Variants in ARGLU1 observed in about 807,000 individuals in gnomAD.
ARGLU1 encodes the protein arginine and glutamate rich 1.
A neutral mutation model predicts 37.6 loss-of-function variants in ARGLU1; 9 were observed. The observed-to-expected ratio is 0.24, with a 90% confidence interval of 0.14 to 0.42. The LOEUF (loss-of-function observed/expected upper bound fraction) is 0.42. Among genes scored for constraint, ARGLU1 ranks in the 10% least tolerant of loss-of-function variants. ARGLU1 has a pLI of 1.00. For synonymous variants in ARGLU1, 166 were observed against 138.5 expected (o/e 1.20, Z -1.39); for missense variants, 211 against 359.2 (o/e 0.59, Z 3.34).
At position 106,554,941 on chromosome 13, in the gene ARGLU1, T is replaced by C. The variant is rs575113671; in HGVS notation, c.657+2107A>G. ...TCAATTTACTACGCTCCCAACTTTA[T>C]TGAACACTATAAGCAAACATGTTAA... On this transcript the variant is annotated intron_variant, in intron 3 of 3. Transcript: ENST00000400198. Among the ~76,000 whole-genome samples the C allele has an allele frequency of 1.1e-4, 17 of 152,296 alleles. No homozygotes were observed. In the South Asian group the frequency reaches 3.1e-3, roughly 28 times the overall value.
chr13:106,560,726 T>G (rs1046833053), intron 1 of ARGLU1, among the ~76,000 whole-genome samples: 1 of 152,216 alleles, frequency 6.6e-6, no homozygotes, highest in African/African-American at 2.4e-5. Flanking sequence ...CTGAGGCTCT[T>G]GCAGTAAATC....
intron 3 of ARGLU1, among the ~76,000 whole-genome samples, chr13:106,545,304 C>G (rs1485897702): frequency 6.6e-6 from 1 of 152,178 alleles, no homozygotes; most frequent in Non-Finnish European, 1.5e-5. Context: ...TCCCCTCTAT[C>G]TGACAGTGAT....
In ARGLU1 at chr13:106,541,872, T is replaced by A. The variant is rs1317910471; in HGVS notation, c.*2124A>T. ...CTTCTAATAGACTGGGGGAAATTTTTAAGTTTTCTATGTACACAAAGGCAG... is the reference window on the plus strand; with the variant it reads ...CTTCTAATAGACTGGGGGAAATTTTAAAGTTTTCTATGTACACAAAGGCAG... On this transcript the variant is annotated 3_prime_UTR_variant, in exon 4 of 4. Transcript: ENST00000400198. The A allele has an allele frequency of 1.3e-5, 2 of 152,202 alleles. No individual in the cohort carries two copies. Among genetic ancestry groups the A allele is most frequent in the East Asian group, 3.8e-4 (2 of 5,200 alleles). The allele number at this position is 152,202 out of a possible 1,614,324, so 9.4% of individuals were successfully genotyped here.
At chr13:106,564,825 C>CCCCTTT (rs1244192387) in intron 1 of ARGLU1, among the ~76,000 whole-genome samples, 4 of 152,282 alleles carry the variant, frequency 2.6e-5, no homozygotes, top group African/African-American at 9.6e-5. Flanking sequence ...ATTCTCTTAT[C>CCCCTTT]CCCTTTCCCT....
In ARGLU1 at chr13:106,567,453, T is replaced by A. The variant is rs1253450062; in HGVS notation, c.347+120A>T. The A allele has an allele frequency of 6.1e-6, 4 of 654,736 alleles. No homozygotes were observed. The highest frequency in any genetic ancestry group is 7.1e-6 in the Non-Finnish European group (3 of 420,570). The allele number at this position is 654,736 out of a possible 1,614,324, so 40.6% of individuals were successfully genotyped here. A position where few individuals can be genotyped will look rare whatever the true frequency, so the allele number is the denominator to read the frequency against. On this transcript the variant is annotated intron_variant, in intron 1 of 3. Coordinates refer to ENST00000400198, the MANE Select transcript of ARGLU1 (RefSeq NM_018011.4). The surrounding 1 kb of genome is among the most constrained non-coding windows in gnomAD (Gnocchi z 4.3). ...CTCTCCGACCCGTTCCCGCGCCCGG[T>A]CCCCAGCCCCGGACCGTCCCCGCCA...
At chr13:106,554,895 A>G (rs1880624027) in intron 3 of ARGLU1, among the ~76,000 whole-genome samples, 1 of 152,070 alleles carries the variant, frequency 6.6e-6, no homozygotes, top group Admixed American at 6.5e-5. Flanking sequence ...AAAAAGAAAA[A>G]AAAAAAAAAT....
chr13:106,554,044 C>T (rs991810765), intron 3 of ARGLU1, among the ~76,000 whole-genome samples: 2 of 152,162 alleles, frequency 1.3e-5, no homozygotes, highest in Admixed American at 6.5e-5. Flanking sequence ...ATAGAATTTC[C>T]ACCTACCCAT....
rs1318596037 is a variant in ARGLU1 at position 106,542,806 on chromosome 13, T to C, written c.*1190A>G. The C allele has an allele frequency of 2.0e-5, 3 of 151,154 alleles. No individual in the cohort carries two copies. The highest frequency in any genetic ancestry group is 6.6e-5 in the Admixed American group (1 of 15,136). The allele number at this position is 151,154 out of a possible 1,614,324, so 9.4% of individuals were successfully genotyped here. ...ATTCTAGTGTATAAAATGAAAGCCA[T>C]TCATAAGATTTCACATGCAAAAAAA... On this transcript the variant is annotated 3_prime_UTR_variant, in exon 4 of 4. Transcript: ENST00000400198.
intron 3 of ARGLU1, among the ~76,000 whole-genome samples, chr13:106,546,060 C>A (rs1880381720): frequency 6.6e-6 from 1 of 152,176 alleles, no homozygotes; most frequent in African/African-American, 2.4e-5. Flanking sequence ...AGCTTTATTT[C>A]ATCTCTTCCT....
intron 3 of ARGLU1, among the ~76,000 whole-genome samples, chr13:106,549,192 C>T (rs1880472011): frequency 6.6e-6 from 1 of 152,180 alleles, no homozygotes; most frequent in South Asian, 2.1e-4. Flanking sequence ...ATACTGAAAT[C>T]TATTCTCTAT....
chr13:106,542,277 G>A lies in ARGLU1; in HGVS notation c.*1719C>T, dbSNP rs960966664. The A allele has an allele frequency of 2.7e-5, 4 of 149,304 alleles. No individual in the cohort carries two copies. Among genetic ancestry groups the A allele is most frequent in the African/African-American group, 7.4e-5 (3 of 40,514 alleles). The allele number at this position is 149,304 out of a possible 1,614,324, so 9.2% of individuals were successfully genotyped here. The stretch of plus-strand genomic sequence containing the variant: ...CTTGAATACAGAACTTAGGAACCAT[G>A]AATCTTCACCAAAAAAAGTTACATT... On this transcript the variant is annotated 3_prime_UTR_variant, in exon 4 of 4. Transcript: ENST00000400198.
Position 106,560,102 on chromosome 13 carries a change from C to T in ARGLU1, c.348-445G>A, listed in dbSNP as rs539462886. Among the ~76,000 whole-genome samples the T allele has an allele frequency of 3.3e-5, 5 of 152,174 alleles. No individual in the cohort carries two copies. The East Asian group carries it at 7.7e-4, about 24-fold the overall frequency. On this transcript the variant is annotated intron_variant, in intron 1 of 3. Coordinates refer to ENST00000400198, the MANE Select transcript of ARGLU1 (RefSeq NM_018011.4). Reference sequence around the variant, plus strand: ...ACTCAGATTGGCTGAATTGATTTCCCGCTAAGCAAAGAGAGAATAAATACA... The same window carrying T: ...ACTCAGATTGGCTGAATTGATTTCCTGCTAAGCAAAGAGAGAATAAATACA...
At chr13:106,545,059 C>T (rs1197204306) in intron 3 of ARGLU1, among the ~76,000 whole-genome samples, 1 of 152,182 alleles carries the variant, frequency 6.6e-6, no homozygotes, top group Non-Finnish European at 1.5e-5. Flanking sequence ...CAATTCTCAA[C>T]CAAGCACAAT....
chr13:106,544,502 A>G (rs894082321), intron 3 of ARGLU1, among the ~76,000 whole-genome samples: 3 of 152,198 alleles, frequency 2.0e-5, no homozygotes, highest in African/African-American at 7.2e-5. Flanking sequence ...ATTATGGAAA[A>G]GCATTTACAC....
intron 3 of ARGLU1, among the ~76,000 whole-genome samples, chr13:106,549,004 G>T (rs1880465739): frequency 6.6e-6 from 1 of 152,134 alleles, no homozygotes; most frequent in Non-Finnish European, 1.5e-5. Context: ...GCCTGCCCTG[G>T]CCTCCCAAAG....
rs1880264793 is a variant in ARGLU1, at chr13:106,541,762, T to A, written c.*2234A>T. On this transcript the variant is annotated 3_prime_UTR_variant, in exon 4 of 4. Transcript: ENST00000400198. ...ACTGTAATAAAAATAAACAAAGTCA[T>A]ACTTAATTCTATAATGCATTAAGAA... is the stretch of plus-strand genomic sequence containing the variant. 1 of 152,134 alleles carries A rather than the reference T, an allele frequency of 6.6e-6. No individual in the cohort carries two copies. The highest frequency in any genetic ancestry group is 2.1e-4 in the South Asian group (1 of 4,834). The allele number at this position is 152,134 out of a possible 1,614,324, so 9.4% of individuals were successfully genotyped here. A position where few individuals can be genotyped will look rare whatever the true frequency, so the allele number is the denominator to read the frequency against.
chr13:106,551,059 G>C (rs1322318013), intron 3 of ARGLU1, among the ~76,000 whole-genome samples: 1 of 152,138 alleles, frequency 6.6e-6, no homozygotes, highest in African/African-American at 2.4e-5. Flanking sequence ...GATAGTACGG[G>C]AACCTATGAG....
Position 106,557,564 on chromosome 13 carries a change from T to C in ARGLU1, c.574-433A>G. 4 of 1,606,862 alleles carry C rather than the reference T, an allele frequency of 2.5e-6. No homozygotes were observed. Among genetic ancestry groups the C allele is most frequent in the South Asian group, 1.1e-5 (1 of 89,638 alleles). On this transcript the variant is annotated intron_variant, in intron 2 of 3. Coordinates refer to ENST00000400198, the MANE Select transcript of ARGLU1 (RefSeq NM_018011.4). The surrounding 1 kb of genome is among the most constrained non-coding windows in gnomAD (Gnocchi z 5.0). ...ATTAAAAGTTGAATATTTACTGTCT[T>C]GTCCAGTGTCCTGCAGAGTGTGCTC...
chr13:106,550,397 G>C (rs1880504431), intron 3 of ARGLU1, among the ~76,000 whole-genome samples: 1 of 152,056 alleles, frequency 6.6e-6, no homozygotes, highest in South Asian at 2.1e-4. Flanking sequence ...TTAACATAAG[G>C]TCTTCAACCA....
Sources: allele counts gnomAD v4.1 joint callset (sites outside exome capture counted in the v4.1 genomes callset), GRCh38; gene constraint gnomAD v4.1.1; non-coding constraint Gnocchi (gnomAD v3.1); transcripts MANE v1.5; gene names NCBI Gene and HGNC (gene_info 2026-07-23, HGNC 2026-07-21).